Variants in APOB observed in about 807,000 individuals in gnomAD.
APOB encodes apolipoprotein B-100.
Under a neutral mutation model 314.1 loss-of-function variants are expected in APOB, and 153 were observed. That is an observed-to-expected ratio of 0.49 (90% confidence interval 0.43 to 0.56). APOB has a LOEUF of 0.56. Among genes scored for constraint, APOB ranks in the 20% least tolerant of loss-of-function variants. APOB has a pLI of 0.00. For missense variants in APOB, 5,430 were observed against 5,350.7 expected (o/e 1.01, Z -0.46); for synonymous variants, 2,087 against 2,036.4 (o/e 1.02, Z -0.67).
At position 21,007,010 on chromosome 2, in the gene APOB, T is replaced by C; in HGVS notation, c.9858A>G (p.Leu3286=). ...KAVSMPSFSI[L]GSDVRVPSYT... ...ATGAAGGCACACGGACGTCAGAACCTAGGATGGAGAAACTAGGCATGCTGA... is the reference window on the plus strand; with the variant it reads ...ATGAAGGCACACGGACGTCAGAACCCAGGATGGAGAAACTAGGCATGCTGA... Residue 3286 remains leucine, a synonymous_variant, in exon 26 of 29, where the codon CTA becomes CTG. Coordinates refer to ENST00000233242, the MANE Select transcript of APOB (RefSeq NM_000384.3). 1 of 1,613,922 alleles carries C rather than the reference T, an allele frequency of 6.2e-7. No homozygotes were observed. Among genetic ancestry groups the C allele is most frequent in the Non-Finnish European group, 8.5e-7 (1 of 1,179,928 alleles).
rs148252000 is a variant in APOB, at chr2:21,010,847, C to G, written c.6021G>C (p.Val2007=). ...CAGCCAGAGTTCGTCCAGTAAGCTC[C>G]ACGCCAATTTTATCTTTAGTGTTGT... ...DAYNTKDKIG[V]ELTGRTLADL... The change falls in exon 26 of 29, where the codon GTG becomes GTC. Residue 2007 remains valine (V), a synonymous_variant. Transcript: ENST00000233242. 686 of 1,614,110 alleles carry G rather than the reference C, an allele frequency of 4.3e-4. 1 individual carries two copies. The highest frequency in any genetic ancestry group is 5.6e-4 in the Non-Finnish European group (660 of 1,180,008).
chr2:21,024,697 T>A (rs1458248069), intron 16 of APOB: 6 of 672,570 alleles, frequency 8.9e-6, no homozygotes, highest in Admixed American at 2.5e-5. Flanking sequence ...TCCAGATGAA[T>A]AAATTAATGC....
At chr2:21,033,132 A>G (rs1435160658) in intron 9 of APOB, among the ~76,000 whole-genome samples, 167 bp downstream of exon 9, 2 of 152,232 alleles carry the variant, frequency 1.3e-5, no homozygotes, top group African/African-American at 4.8e-5. Flanking sequence ...CATGGAACTC[A>G]GCGCAGCAGC....
rs753078953 is a variant in APOB, at chr2:21,023,686, C to T, written c.2443G>A (p.Glu815Lys). 1.2e-6 allele frequency: 2 copies of T among 1,609,366 alleles called. No individual in the cohort carries two copies. The highest frequency in any genetic ancestry group is 1.7e-6 in the Non-Finnish European group (2 of 1,176,456). Residue 815 changes from glutamate (E) to lysine (K), a missense_variant, in exon 17 of 29, where the codon GAG becomes AAG. Around this residue, in one of 3 missense-constraint regions of APOB, gnomAD observed 2,085 missense variants for 2,079.7 expected, o/e 1.00. Coordinates refer to ENST00000233242, the MANE Select transcript of APOB (RefSeq NM_000384.3). ...TLQGIPQMIG[E>K]VIRKGSKNDF... ...TTCTTTGAGCCCTTCCTGATGACCT[C>T]TCCAATCTGTAGACCCAACAAGGGA...
In APOB at chr2:21,008,693, A is replaced by G. The variant is rs1663220271; in HGVS notation, c.8175T>C (p.Thr2725=). 1.9e-6 allele frequency: 3 copies of G among 1,614,000 alleles called. No homozygotes were observed. The highest frequency in any genetic ancestry group is 2.5e-6 in the Non-Finnish European group (3 of 1,179,982). Residue 2725 remains threonine (T), a synonymous_variant, in exon 26 of 29, where the codon ACT becomes ACC. Transcript: ENST00000233242. ...GAACTTGAAAATCATTAAGGTTGAG[A>G]GTTGGGATTATGAATTCTGGAATTG... ...EIAIPEFIIP[T]LNLNDFQVPD... is the part of the protein sequence containing the mutation.
At chr2:21,015,911 C>T (rs981033930) in intron 21 of APOB, among the ~76,000 whole-genome samples, 1 of 152,092 alleles carries the variant, frequency 6.6e-6, no homozygotes, top group Admixed American at 6.5e-5. Flanking sequence ...TTCTTTAAAG[C>T]ACCCAGCACT....
rs1265296445 is a variant in APOB at position 21,004,640 on chromosome 2, C to T, written c.11824G>A (p.Ala3942Thr). 3.7e-6 allele frequency: 6 copies of T among 1,613,894 alleles called. No homozygotes were observed. The East Asian group carries it at 8.9e-5, about 24-fold the overall frequency. The change falls in exon 27 of 29, where the codon GCC (alanine) becomes ACC (threonine). Residue 3942 changes from alanine to threonine, a missense_variant. By Grantham distance (58) the Ala-to-Thr change is moderately conservative (BLOSUM62 0). Coordinates refer to ENST00000233242, the MANE Select transcript of APOB (RefSeq NM_000384.3). ...GCAAATGTTCCTTTAGTCTTAGAGG[C>T]TAACGTACCATCTTCGATTTTGTGT... is the stretch of plus-strand genomic sequence containing the variant. ...GTHKIEDGTLASKTKGTFAHR... is the reference protein window; with the variant it reads ...GTHKIEDGTLTSKTKGTFAHR...
intron 20 of APOB, among the ~76,000 whole-genome samples, chr2:21,017,049 G>A (rs112745407): frequency 2.3e-3 from 340 of 149,184 alleles, no homozygotes; most frequent in African/African-American, 8.1e-3. Context: ...AAATAAAGAA[G>A]CTATGTTTTG....
At position 21,009,281 on chromosome 2, in the gene APOB, C is replaced by T. The variant is rs752939907; in HGVS notation, c.7587G>A (p.Gln2529=). The T allele has an allele frequency of 3.5e-5, 56 of 1,613,978 alleles. No homozygotes were observed. The highest frequency in any genetic ancestry group is 3.3e-4 in the Middle Eastern group (2 of 6,084). Residue 2529 remains glutamine, a synonymous_variant, in exon 26 of 29, where the codon CAG becomes CAA. Transcript: ENST00000233242. ...GAGACAGGTATCGTTGAAGTTCCTG[C>T]TGAATGTCCATTTGATACATTCGGT... The part of the protein sequence containing the change: ...TRDRMYQMDI[Q]QELQRYLSLV...
Position 21,043,902 on chromosome 2 carries a change from G to GGCAGCGCCA in APOB, c.35_43dup (p.Leu12_Leu14dup), listed in dbSNP as rs17240441. The GGCAGCGCCA allele has an allele frequency of 4.5e-5, 64 of 1,426,574 alleles. No individual in the cohort carries two copies. The highest frequency in any genetic ancestry group is 1.5e-4 in the African/African-American group (10 of 66,706). The allele number at this position is 1,426,574 out of a possible 1,614,324, so 88.4% of individuals were successfully genotyped here. On this transcript the variant is annotated inframe_insertion, in exon 1 of 29. Transcript: ENST00000233242. ...CGCCAGCAGCAGCAGCAGCAGCGCA[G>GGCAGCGCCA]GCAGCGCCAGCAGCGCCAGCAGCGC...
rs923192918 is a variant in APOB at position 21,008,476 on chromosome 2, C to A, written c.8392G>T (p.Glu2798Ter). The change falls in exon 26 of 29, where the codon GAG becomes TAG. Residue 2798 changes from glutamate (E) to a stop codon, truncating the protein, a stop_gained. Transcript: ENST00000233242. LOFTEE classifies it high-confidence loss of function. ...AAATTGAGAACTTCTAATTTGGACTCTCCTTTGGCAGTGATGGAAGCTGCG... is the reference window on the plus strand; with the variant it reads ...AAATTGAGAACTTCTAATTTGGACTATCCTTTGGCAGTGATGGAAGCTGCG... Reference protein sequence around the residue: ...GIAASITAKGESKLEVLNFDF... With the variant: ...GIAASITAKG 6.2e-7 allele frequency: 1 copy of A among 1,613,976 alleles called. No homozygotes were observed. Among genetic ancestry groups the A allele is most frequent in the Non-Finnish European group, 8.5e-7 (1 of 1,179,992 alleles).
chr2:21,037,886 A>G (rs971318772), intron 5 of APOB, 72 bp downstream of exon 5: 12 of 1,566,858 alleles, frequency 7.7e-6, no homozygotes, highest in Admixed American at 6.7e-5. Flanking sequence ...TGCTTTGTAT[A>G]TGGTAGGACT....
At chr2:21,014,940 TCCCCA>T in intron 23 of APOB, 128 bp downstream of exon 23, 1 of 974,886 alleles carries the variant, frequency 1.0e-6, no homozygotes, top group Admixed American at 2.0e-5. Flanking sequence ...TTTTTTTTTC[TCCCCA>T]AGAATTCCCT....
intron 5 of APOB, 88 bp downstream of exon 5, chr2:21,037,870 G>C: frequency 6.6e-7 from 1 of 1,517,904 alleles, no homozygotes; most frequent in South Asian, 1.1e-5. Flanking sequence ...AGCTGACTCA[G>C]TGATCTGCTT....
At chr2:21,024,571 T>C (rs545283416) in intron 16 of APOB, 84 of 438,770 alleles carry the variant, frequency 1.9e-4, no homozygotes, top group African/African-American at 1.6e-3. Context: ...TGAGCCGAGA[T>C]TGTATCACTG....
At chr2:21,026,753 A>G in intron 15 of APOB, 35 bp downstream of exon 15, 1 of 1,565,498 alleles carries the variant, frequency 6.4e-7, no homozygotes, top group African/African-American at 1.4e-5. Flanking sequence ...TGAGACCCAA[A>G]GCTTTCCTTA....
rs755057102 is a variant in APOB, at chr2:21,001,982, C to T, written c.13440G>A (p.Gln4480=). 2 of 1,613,872 alleles carry T rather than the reference C, an allele frequency of 1.2e-6. No homozygotes were observed. Among genetic ancestry groups the T allele is most frequent in the South Asian group, 1.1e-5 (1 of 91,080 alleles). Residue 4480 remains glutamine (Q), a synonymous_variant, in exon 29 of 29, where the codon CAG becomes CAA. Transcript: ENST00000233242. The stretch of plus-strand genomic sequence containing the variant: ...AAATTATTTTCTTCGTCGCAATGGC[C>T]TGGCTTTTAATTATTTCCTGAGCAG... ...SATAQEIIKS[Q]AIATKKIISD...
intron 21 of APOB, among the ~76,000 whole-genome samples, 199 bp from the exon 22 acceptor site, chr2:21,015,744 A>C (rs1663448612): frequency 6.6e-6 from 1 of 152,198 alleles, no homozygotes; most frequent in African/African-American, 2.4e-5. Flanking sequence ...TTTAGGAGAA[A>C]GAGAAGTTTT....
At position 21,007,385 on chromosome 2, in the gene APOB, G is replaced by T; in HGVS notation, c.9483C>A (p.Phe3161Leu). The T allele has an allele frequency of 6.2e-7, 1 of 1,613,990 alleles. No individual in the cohort carries two copies. The highest frequency in any genetic ancestry group is 8.5e-7 in the Non-Finnish European group (1 of 1,179,944). ...CAAATGATTGCTTTGTCGTTTTCAA[G>T]AATTCCTTCAAGCCTGTTTTTTCCC... ...SLWEKTGLKE[F>L]LKTTKQSFDL... The change falls in exon 26 of 29, where the codon TTC becomes TTA. Residue 3161 changes from phenylalanine to leucine, a missense_variant. By Grantham distance (22) the Phe-to-Leu change is conservative (BLOSUM62 0). Coordinates refer to ENST00000233242, the MANE Select transcript of APOB (RefSeq NM_000384.3).
Sources: allele counts gnomAD v4.1 joint callset (sites outside exome capture counted in the v4.1 genomes callset), GRCh38; gene constraint gnomAD v4.1.1; regional missense constraint gnomAD v4.1.1; transcripts MANE v1.5; gene names NCBI Gene and HGNC (gene_info 2026-07-23, HGNC 2026-07-21).